ZNF280C: variants seen among roughly 807,000 people sequenced by gnomAD.
ZNF280C encodes the protein suppressor of hairy wing homolog 3.
ZNF280C carries 14 observed loss-of-function variants against 53.6 expected under a neutral mutation model. The ratio of observed to expected loss-of-function variants is 0.26; its 90% CI spans 0.17 to 0.41. The LOEUF is 0.41. Among genes scored for constraint, ZNF280C ranks in the 10% least tolerant of loss-of-function variants. The pLI, the probability that ZNF280C is intolerant of heterozygous loss-of-function variation, is 1.00. For synonymous variants in ZNF280C, 203 were observed against 181.1 expected (o/e 1.12, Z -0.97); for missense variants, 416 against 547.1 (o/e 0.76, Z 2.39).
At chrX:130,209,856 T>C (rs2032022330) in intron 15 of ZNF280C, 141 bp from the exon 16 acceptor site, 2 of 536,411 alleles carry the variant, frequency 3.7e-6, no homozygotes, top group Non-Finnish European at 6.1e-6. Context: ...ATTCTGTTGG[T>C]TAAAGCTATA....
At chrX:130,260,261 G>A (rs755807769) in intron 2 of ZNF280C, among the ~76,000 whole-genome samples, 158 bp downstream of exon 2, 3 of 111,261 alleles carry the variant, frequency 2.7e-5, no homozygotes, top group African/African-American at 9.8e-5. Flanking sequence ...CAGCCTGGGC[G>A]ACACAGTGAG....
intron 13 of ZNF280C, among the ~76,000 whole-genome samples, chrX:130,217,109 T>C (rs1479054809): frequency 8.9e-6 from 1 of 112,383 alleles, no homozygotes; most frequent in African/African-American, 3.2e-5. Flanking sequence ...CAGAGGTATA[T>C]ACCCATGAGA....
intron 2 of ZNF280C, among the ~76,000 whole-genome samples, chrX:130,251,306 A>AAAAAAAAAAAAAAACAC: frequency 9.7e-6 from 1 of 103,609 alleles, no homozygotes; most frequent in South Asian, 4.3e-4. Context: ...AAAAAAAAAA[A>AAAAAAAAAAAAAAACAC]AGACCAGCAA....
chrX:130,216,764 C>T (rs2032108846), intron 13 of ZNF280C, among the ~76,000 whole-genome samples: 3 of 111,482 alleles, frequency 2.7e-5, no homozygotes, highest in Admixed American at 9.5e-5. Context: ...TTTGGGAGGC[C>T]GAGGTGGGCG....
At chrX:130,259,249 C>A (rs954902335) in intron 2 of ZNF280C, among the ~76,000 whole-genome samples, 4 of 112,096 alleles carry the variant, frequency 3.6e-5, no homozygotes, top group Non-Finnish European at 7.5e-5. Flanking sequence ...CTCCTACACA[C>A]AGTAGTGTAT....
intron 1 of ZNF280C, among the ~76,000 whole-genome samples, chrX:130,267,753 T>C (rs999890711): frequency 8.9e-6 from 1 of 111,950 alleles, no homozygotes; most frequent in African/African-American, 3.2e-5. Context: ...TCACAAATAC[T>C]AAGAGGAGAC....
chrX:130,260,940 T>TA (rs1223131542), intron 1 of ZNF280C, among the ~76,000 whole-genome samples: 4 of 112,456 alleles, frequency 3.6e-5, no homozygotes, highest in African/African-American at 1.3e-4. Flanking sequence ...TCTGAAATGC[T>TA]AAGTGACATT....
chrX:130,245,832 C>G (rs1010431787), intron 3 of ZNF280C, among the ~76,000 whole-genome samples: 19 of 108,927 alleles, frequency 1.7e-4, no homozygotes, highest in African/African-American at 6.4e-4. Context: ...GTTGCCTAGA[C>G]TGGAGTGCAG....
At chrX:130,260,087 C>A (rs1364645180) in intron 2 of ZNF280C, among the ~76,000 whole-genome samples, 3 of 110,855 alleles carry the variant, frequency 2.7e-5, no homozygotes, top group African/African-American at 9.9e-5. Flanking sequence ...TTGAGACCAT[C>A]CTGGCTAACA....
At chrX:130,241,579 G>GT (rs1285702804) in intron 5 of ZNF280C, among the ~76,000 whole-genome samples, 2 of 111,734 alleles carry the variant, frequency 1.8e-5, no homozygotes, top group African/African-American at 6.5e-5. Flanking sequence ...GGGCAACACA[G>GT]TGAGAGCCCC....
intron 1 of ZNF280C, among the ~76,000 whole-genome samples, chrX:130,261,069 G>A (rs760410334): frequency 8.9e-5 from 10 of 111,837 alleles, no homozygotes; most frequent in Non-Finnish European, 1.7e-4. Context: ...GATAAATTGC[G>A]TAGTAAAACA....
intron 12 of ZNF280C, among the ~76,000 whole-genome samples, chrX:130,223,277 C>G (rs1320556032): frequency 9.0e-6 from 1 of 111,444 alleles, no homozygotes; most frequent in Non-Finnish European, 1.9e-5. Context: ...AGGCTAGTCT[C>G]AAACTCCTGG....
intron 5 of ZNF280C, 46 bp from the exon 6 acceptor site, chrX:130,239,739 T>G (rs746024811): frequency 1.3e-6 from 1 of 748,496 alleles, no homozygotes; most frequent in Non-Finnish European, 2.0e-6. Flanking sequence ...TTTATAGAGA[T>G]AAATTTAGCT....
rs779955301 is a variant in ZNF280C at position 130,245,670 on chromosome X, T to TTAGG, written c.178+1188_178+1189insCCTA. Among the ~76,000 whole-genome samples the TTAGG allele has an allele frequency of 1.7e-4, 19 of 112,129 alleles. No individual in the cohort carries two copies. The South Asian group carries it at 4.5e-3, about 26-fold the overall frequency. On this transcript the variant is annotated intron_variant, in intron 3 of 18. Transcript: ENST00000370978. ...AAGAAGACTGGTATGCTGGCTACAT[T>TTAGG]CCTTGACTTCTCCAGGCCTAAAATA...
intron 6 of ZNF280C, 62 bp from the exon 7 acceptor site, chrX:130,236,701 T>C: frequency 1.2e-6 from 1 of 817,374 alleles, no homozygotes; most frequent in Non-Finnish European, 1.7e-6. Context: ...ATATTGCTTA[T>C]GTAAAACTGC....
At chrX:130,231,238 T>A (rs776453116) in intron 8 of ZNF280C, among the ~76,000 whole-genome samples, 7 of 111,460 alleles carry the variant, frequency 6.3e-5, no homozygotes, top group Non-Finnish European at 1.3e-4. Context: ...TTAATCGTTC[T>A]ACCAAAAAGA....
intron 15 of ZNF280C, 35 bp downstream of exon 15, chrX:130,215,158 G>A (rs2032085821): frequency 8.4e-7 from 1 of 1,193,766 alleles, no homozygotes; most frequent in South Asian, 1.8e-5. Flanking sequence ...GACCCAAATG[G>A]AAATTCTGAT....
chrX:130,241,932 GAAT>G (rs1201736426), intron 5 of ZNF280C, among the ~76,000 whole-genome samples: 1 of 101,129 alleles, frequency 9.9e-6, no homozygotes, highest in Non-Finnish European at 2.0e-5. Context: ...TATAAAATGG[GAAT>G]AATAATAGTG....
chrX:130,215,357 T>C lies in ZNF280C; in HGVS notation c.1839-24A>G, dbSNP rs1398098095. Reference sequence around the variant, plus strand: ...ACCTTATGGAGACGGAAAAAAAAGATAAAAAGAGATTATAAAACAAAAATA... The same window carrying C: ...ACCTTATGGAGACGGAAAAAAAAGACAAAAAGAGATTATAAAACAAAAATA... On this transcript the variant is annotated intron_variant, in intron 14 of 18. Coordinates refer to ENST00000370978, the MANE Select transcript of ZNF280C (RefSeq NM_017666.5). 3.5e-6 allele frequency: 4 copies of C among 1,133,414 alleles called. No individual in the cohort carries two copies. The African/African-American group carries it at 5.6e-5, about 16-fold the overall frequency. 93.4% of individuals were successfully genotyped at this position (1,133,414 alleles called of 1,213,427 possible).
Sources: gnomAD v4.1 joint callset for allele counts (sites outside exome capture counted in the v4.1 genomes callset) on GRCh38, gnomAD v4.1.1 for gene constraint, MANE v1.5 for transcripts, NCBI Gene and HGNC (gene_info 2026-07-23, HGNC 2026-07-21) for gene names.